Variants in ETV3L observed in about 807,000 individuals in gnomAD.
ETV3L encodes ETS translocation variant 3-like protein.
Under a neutral mutation model 27.6 loss-of-function variants are expected in ETV3L, and 30 were observed. That is an observed-to-expected ratio of 1.09 (90% confidence interval 0.81 to 1.48). The LOEUF (loss-of-function observed/expected upper bound fraction) is 1.48, where lower values mean the gene tolerates loss of function less well. Among genes scored for constraint, ETV3L ranks in the 40% most tolerant of loss-of-function variants. ETV3L has a pLI of 0.00. For synonymous variants in ETV3L, 186 were observed against 188.9 expected, an observed-to-expected ratio of 0.98 and a Z score of 0.12; for missense variants, 443 against 455.6, an observed-to-expected ratio of 0.97 and a Z score of 0.25.
rs577103940 is a variant in ETV3L, at chr1:157,093,236, C to T, written c.608-109G>A. On this transcript the variant is annotated intron_variant, in intron 4 of 4. Coordinates refer to ENST00000454449, the MANE Select transcript of ETV3L (RefSeq NM_001004341.2). The stretch of plus-strand genomic sequence containing the variant: ...GTTTCTTGCTTGGAAGTCTCTTCCT[C>T]GCCCCACTGCCCTTCCTTTTCTTTC... 32 of 678,342 alleles carry T rather than the reference C, an allele frequency of 4.7e-5. No individual in the cohort carries two copies. The Admixed American group carries it at 5.7e-4, about 12-fold the overall frequency. The allele number at this position is 678,342 out of a possible 1,614,324, so 42.0% of individuals were successfully genotyped here.
chr1:157,099,536 C>A lies in ETV3L; in HGVS notation c.-13G>T, dbSNP rs373161167. On this transcript the variant is annotated 5_prime_UTR_variant, in exon 1 of 5. Coordinates refer to ENST00000454449, the MANE Select transcript of ETV3L (RefSeq NM_001004341.2). Reference sequence around the variant, plus strand: ...AGCTGCAGTGCATGGTCCACTCCGGCGAGATGGGCTGTGTCTGGGCCTTGG... The same window carrying A: ...AGCTGCAGTGCATGGTCCACTCCGGAGAGATGGGCTGTGTCTGGGCCTTGG... 6.2e-7 allele frequency: 1 copy of A among 1,602,846 alleles called. No homozygotes were observed. Among genetic ancestry groups the A allele is most frequent in the South Asian group, 1.1e-5 (1 of 89,302 alleles).
chr1:157,097,741 G>T (rs1674260981), intron 4 of ETV3L, 127 bp downstream of exon 4: 3 of 1,192,762 alleles, frequency 2.5e-6, no homozygotes, highest in Non-Finnish European at 1.2e-6. Context: ...AATAAATGTT[G>T]GTCGAATGAA....
chr1:157,099,379 C>T lies in ETV3L; in HGVS notation c.59-1G>A. 1.2e-6 allele frequency: 2 copies of T among 1,614,142 alleles called. No individual in the cohort carries two copies. Among genetic ancestry groups the T allele is most frequent in the Admixed American group, 1.7e-5 (1 of 60,020 alleles). ...TAGGCCCAATCAGGGAAGGCCAACC[C>T]TGGGTGGAGAGGGGAGAGTGAGGGC... is the stretch of plus-strand genomic sequence containing the variant. On this transcript the variant is annotated splice_acceptor_variant, in intron 1 of 4. Coordinates refer to ENST00000454449, the MANE Select transcript of ETV3L (RefSeq NM_001004341.2). LOFTEE classifies it high-confidence loss of function.
At position 157,092,951 on chromosome 1, in the gene ETV3L, G is replaced by C; in HGVS notation, c.784C>G (p.Pro262Ala). The C allele has an allele frequency of 6.2e-7, 1 of 1,614,076 alleles. No individual in the cohort carries two copies. The highest frequency in any genetic ancestry group is 8.5e-7 in the Non-Finnish European group (1 of 1,179,956). The stretch of plus-strand genomic sequence containing the variant: ...AGGATGTCTGGCTTAAAAGCCCCTG[G>C]GAGCTGCTGCTCTGACGGGAGAGGA... ...LPPLPSEQQL[P>A]GAFKPDILLP... The change falls in exon 5 of 5, where the codon CCA becomes GCA. Residue 262 changes from proline (P) to alanine (A), a missense_variant. By Grantham distance (27) the Pro-to-Ala change is conservative. Coordinates refer to ENST00000454449, the MANE Select transcript of ETV3L (RefSeq NM_001004341.2).
In ETV3L at chr1:157,092,852, C is replaced by A. The variant is rs778256198; in HGVS notation, c.883G>T (p.Gly295Cys). The change falls in exon 5 of 5, where the codon GGT becomes TGT. Residue 295 changes from glycine to cysteine, a missense_variant. Physicochemically the swap from Gly to Cys is radical, Grantham distance 159 (BLOSUM62 -3). Coordinates refer to ENST00000454449, the MANE Select transcript of ETV3L (RefSeq NM_001004341.2). ...GLPLLAGLGQ[G>C]AGERLWLLSL... ...AAGAGCCAAAGCCTCTCACCCGCAC[C>A]CTGTCCCAGCCCTGCCAAGAGAGGA... The A allele has an allele frequency of 5.0e-6, 8 of 1,613,916 alleles. No individual in the cohort carries two copies. In the African/African-American group the frequency reaches 1.1e-4, roughly 22 times the overall value.
At position 157,099,780 on chromosome 1, in the gene ETV3L, C is replaced by T. The variant is rs1229000806; in HGVS notation, c.-257G>A. 1 of 578,124 alleles carries T rather than the reference C, an allele frequency of 1.7e-6. No individual in the cohort carries two copies. The allele number at this position is 578,124 out of a possible 1,614,324, so 35.8% of individuals were successfully genotyped here. ...GACAGGGCCCAGCCCCCTCTGGGGACCTCCCCGCTGCCCAGGGCTGACTCG... is the reference window on the plus strand; with the variant it reads ...GACAGGGCCCAGCCCCCTCTGGGGATCTCCCCGCTGCCCAGGGCTGACTCG... On this transcript the variant is annotated 5_prime_UTR_variant, in exon 1 of 5. Transcript: ENST00000454449.
chr1:157,097,606 C>A (rs1024385149), intron 4 of ETV3L, among the ~76,000 whole-genome samples: 1 of 152,350 alleles, frequency 6.6e-6, no homozygotes, highest in Non-Finnish European at 1.5e-5. Flanking sequence ...ATGCACAGCA[C>A]CTAGTGCTTA....
chr1:157,097,845 C>T (rs778769334), intron 4 of ETV3L, 23 bp downstream of exon 4: 1 of 1,611,644 alleles, frequency 6.2e-7, no homozygotes, highest in South Asian at 1.1e-5. Context: ...TCCCCCTGGG[C>T]CCTCCCAGCC....
chr1:157,096,094 C>A (rs139181341), intron 4 of ETV3L, among the ~76,000 whole-genome samples: 1 of 152,170 alleles, frequency 6.6e-6, no homozygotes, highest in Non-Finnish European at 1.5e-5. Flanking sequence ...ACTATTCTCT[C>A]GCTCGCCCTC....
At chr1:157,099,104 TC>T (rs768958093) in intron 2 of ETV3L, 36 bp downstream of exon 2, 2 of 1,609,556 alleles carry the variant, frequency 1.2e-6, no homozygotes, top group Non-Finnish European at 1.7e-6. Flanking sequence ...TTCCTTGAAA[TC>T]CCCCCTCTTT....
At chr1:157,094,129 C>G (rs187887612) in intron 4 of ETV3L, among the ~76,000 whole-genome samples, 44 of 152,352 alleles carry the variant, frequency 2.9e-4, no homozygotes, top group Non-Finnish European at 4.1e-4. Flanking sequence ...TCACTCCCTG[C>G]CCCTGCAGCA....
At chr1:157,098,508 A>G (rs144518318) in intron 3 of ETV3L, among the ~76,000 whole-genome samples, 198 bp downstream of exon 3, 4 of 152,082 alleles carry the variant, frequency 2.6e-5, no homozygotes, top group African/African-American at 9.6e-5. Context: ...AGAAGGAGCC[A>G]CCCTTTCTCA....
At chr1:157,095,585 G>A (rs1463071229) in intron 4 of ETV3L, among the ~76,000 whole-genome samples, 1 of 151,026 alleles carries the variant, frequency 6.6e-6, no homozygotes, top group Non-Finnish European at 1.5e-5. Context: ...ACCTGGAGAG[G>A]GAACACTTTT....
intron 3 of ETV3L, among the ~76,000 whole-genome samples, 181 bp downstream of exon 3, chr1:157,098,525 G>A (rs1674276713): frequency 6.6e-6 from 1 of 152,128 alleles, no homozygotes; most frequent in Non-Finnish European, 1.5e-5. Flanking sequence ...CTCACAGGTG[G>A]GTCCTGTACC....
intron 4 of ETV3L, among the ~76,000 whole-genome samples, chr1:157,093,953 G>A (rs1674171718): frequency 6.6e-6 from 1 of 152,170 alleles, no homozygotes; most frequent in African/African-American, 2.4e-5. Context: ...AGTCATTTGT[G>A]TGCTTTTTAT....
At chr1:157,093,312 T>C (rs1055666390) in intron 4 of ETV3L, among the ~76,000 whole-genome samples, 185 bp from the exon 5 acceptor site, 2 of 151,896 alleles carry the variant, frequency 1.3e-5, no homozygotes, top group Non-Finnish European at 2.9e-5. Flanking sequence ...GGCTGCAGTG[T>C]AGGCTTGAAC....
intron 3 of ETV3L, 77 bp downstream of exon 3, chr1:157,098,629 G>C (rs1486975348): frequency 2.2e-6 from 3 of 1,358,536 alleles, no homozygotes; most frequent in African/African-American, 3.0e-5. Flanking sequence ...CAGAGGCAAA[G>C]AGGAGGGTGG....
rs538486131 is a variant in ETV3L at position 157,092,401 on chromosome 1, A to G, written c.*248T>C. Reference sequence around the variant, plus strand: ...CTCGTCTCCCTGAAGAAAAGTTGAGATTAGGAATGTCCCCTTAGTCTGCTT... The same window carrying G: ...CTCGTCTCCCTGAAGAAAAGTTGAGGTTAGGAATGTCCCCTTAGTCTGCTT... On this transcript the variant is annotated 3_prime_UTR_variant, in exon 5 of 5. Coordinates refer to ENST00000454449, the MANE Select transcript of ETV3L (RefSeq NM_001004341.2). The G allele has an allele frequency of 8.5e-6, 4 of 471,312 alleles. No homozygotes were observed. The highest frequency in any genetic ancestry group is 7.8e-5 in the African/African-American group (4 of 51,422). 29.2% of individuals were successfully genotyped at this position (471,312 alleles called of 1,614,324 possible).
In ETV3L at chr1:157,092,657, G is replaced by C. The variant is rs781130000; in HGVS notation, c.1078C>G (p.Pro360Ala). 1 of 1,603,524 alleles carries C rather than the reference G, an allele frequency of 6.2e-7. No individual in the cohort carries two copies. The highest frequency in any genetic ancestry group is 8.5e-7 in the Non-Finnish European group (1 of 1,174,992). Residue 360 changes from proline (P) to alanine (A), a missense_variant, in exon 5 of 5, where the codon CCT becomes GCT. Coordinates refer to ENST00000454449, the MANE Select transcript of ETV3L (RefSeq NM_001004341.2). The stretch of plus-strand genomic sequence containing the variant: ...CCCACCTTCCTCTCTAGTTAAGGAG[G>C]ATCCAAGGGCCACACTGCTTTGAGG... Reference protein sequence around the residue: ...ENLKAVWPLDPP With the variant: ...ENLKAVWPLDAP
Sources: allele counts gnomAD v4.1 joint callset (sites outside exome capture counted in the v4.1 genomes callset), GRCh38; gene constraint gnomAD v4.1.1; transcripts MANE v1.5; gene names NCBI Gene and HGNC (gene_info 2026-07-23, HGNC 2026-07-21).